IL1RAPL1: variants seen among roughly 807,000 people sequenced by gnomAD.
The protein encoded by IL1RAPL1 is interleukin-1 receptor accessory protein-like 1.
A neutral mutation model predicts 48.4 loss-of-function variants in IL1RAPL1; 3 were observed. The observed-to-expected ratio is 0.06, with a 90% CI of 0.03 to 0.16. IL1RAPL1 has a LOEUF of 0.16. Ranked by LOEUF, IL1RAPL1 falls within the 10% of genes least tolerant of loss-of-function variation. IL1RAPL1 has a pLI of 1.00. For missense variants in IL1RAPL1, 349 were observed against 530.6 expected, an observed-to-expected ratio of 0.66 and a Z score of 3.36; for synonymous variants, 185 against 187.7, an observed-to-expected ratio of 0.99 and a Z score of 0.12.
At chrX:29,168,550 C>A (rs1929831857) in intron 2 of IL1RAPL1, among the ~76,000 whole-genome samples, 1 of 31,704 alleles carries the variant, frequency 3.2e-5, no homozygotes, top group Non-Finnish European at 7.8e-5. Context: ...GAATAGTATT[C>A]AATTGTATAT....
chrX:29,918,144 A>AAAAAAAAAAAAAATATATATAT (rs1555935868), intron 7 of IL1RAPL1, among the ~76,000 whole-genome samples: 3 of 23,761 alleles, frequency 1.3e-4, no homozygotes, highest in East Asian at 1.6e-3. Flanking sequence ...AAAAAAAAAA[A>AAAAAAAAAAAAAATATATATAT]ATATATATAT....
intron 2 of IL1RAPL1, among the ~76,000 whole-genome samples, chrX:28,832,013 G>A (rs191793707): frequency 1.8e-3 from 198 of 111,015 alleles, no homozygotes; most frequent in Admixed American, 5.6e-3. Context: ...ATTGGGTATA[G>A]TATGATATTT....
At chrX:29,806,529 AG>A (rs1206859154) in intron 6 of IL1RAPL1, among the ~76,000 whole-genome samples, 1 of 111,051 alleles carries the variant, frequency 9.0e-6, no homozygotes, top group Non-Finnish European at 1.9e-5. Flanking sequence ...AAAGTAATAT[AG>A]GAGGACTTGC....
chrX:28,944,563 T>C (rs895534364), intron 2 of IL1RAPL1, among the ~76,000 whole-genome samples: 14 of 111,278 alleles, frequency 1.3e-4, no homozygotes, highest in African/African-American at 3.9e-4. Flanking sequence ...TTTAAAATTA[T>C]TGATAATTTC....
chrX:29,255,151 G>A (rs1164275106), intron 2 of IL1RAPL1, among the ~76,000 whole-genome samples: 1 of 108,971 alleles, frequency 9.2e-6, no homozygotes, highest in African/African-American at 3.4e-5. Context: ...GCGTGTGTGT[G>A]TGTGTGTGTG....
chrX:29,837,073 C>T (rs1305985997), intron 6 of IL1RAPL1, among the ~76,000 whole-genome samples: 2 of 107,403 alleles, frequency 1.9e-5, no homozygotes, highest in African/African-American at 6.8e-5. Context: ...TCCTGGCTAA[C>T]ACGGTGAAAC....
chrX:29,473,961 T>C (rs1163899598), intron 5 of IL1RAPL1, among the ~76,000 whole-genome samples: 2 of 111,169 alleles, frequency 1.8e-5, no homozygotes, highest in East Asian at 5.7e-4. Context: ...AAACAGCTAC[T>C]TTTTTCCCCT....
intron 1 of IL1RAPL1, among the ~76,000 whole-genome samples, chrX:28,682,567 C>G (rs755318724): frequency 9.0e-6 from 1 of 111,404 alleles, no homozygotes; most frequent in East Asian, 2.8e-4. Flanking sequence ...AGCTACCATG[C>G]CCGGCCCCTG....
At chrX:29,614,181 A>G (rs138471338) in intron 5 of IL1RAPL1, among the ~76,000 whole-genome samples, 1 of 111,653 alleles carries the variant, frequency 9.0e-6, no homozygotes, top group Non-Finnish European at 1.9e-5. Flanking sequence ...GAGTAATTAC[A>G]TCCGCTGACA....
chrX:28,859,742 A>C (rs1333599164), intron 2 of IL1RAPL1, among the ~76,000 whole-genome samples: 1 of 108,198 alleles, frequency 9.2e-6, no homozygotes, highest in Admixed American at 1.0e-4. Context: ...ACAATAATAT[A>C]TAATTGTGTA....
At chrX:29,236,545 C>CTTTTTTTTTTTTTTT (rs754996544) in intron 2 of IL1RAPL1, among the ~76,000 whole-genome samples, 21 of 63,181 alleles carry the variant, frequency 3.3e-4, no homozygotes, top group East Asian at 5.2e-4. Context: ...CTTTTTTTTT[C>CTTTTTTTTTTTTTTT]TTTTTTTTTT....
chrX:29,359,810 C>T (rs1484316752), intron 3 of IL1RAPL1, among the ~76,000 whole-genome samples: 1 of 111,479 alleles, frequency 9.0e-6, no homozygotes, highest in Non-Finnish European at 1.9e-5. Flanking sequence ...CTTTTCCCCC[C>T]ACACGGATTC....
rs1255557587 is a variant in IL1RAPL1 at position 29,909,749 on chromosome X, A to ACTTT, written c.779-7715_779-7714insCTTT. Among the ~76,000 whole-genome samples the ACTTT allele has an allele frequency of 9.3e-3, 1,040 of 111,890 alleles. 8 individuals carry two copies. Among genetic ancestry groups the ACTTT allele is most frequent in the African/African-American group, 0.032 (980 of 30,806 alleles). On this transcript the variant is annotated intron_variant, in intron 6 of 10. Transcript: ENST00000378993. ...GTTTAAAGTTTCAGTGCTATGATTA[A>ACTTT]AAAGTCAAAACATAACAGATGCTGG...
chrX:28,746,599 TTC>T (rs1382022351), intron 1 of IL1RAPL1, among the ~76,000 whole-genome samples: 3 of 112,331 alleles, frequency 2.7e-5, no homozygotes, highest in African/African-American at 9.7e-5. Flanking sequence ...TGAATTTTTG[TTC>T]TGTTAGCAAA....
At chrX:29,584,710 T>C (rs899847375) in intron 5 of IL1RAPL1, among the ~76,000 whole-genome samples, 1 of 111,706 alleles carries the variant, frequency 9.0e-6, no homozygotes, top group African/African-American at 3.3e-5. Context: ...TGCACCACCA[T>C]GCTTGGCTGG....
intron 2 of IL1RAPL1, among the ~76,000 whole-genome samples, chrX:29,181,905 C>A (rs1930151039): frequency 1.8e-5 from 2 of 111,648 alleles, no homozygotes; most frequent in South Asian, 3.7e-4. Flanking sequence ...GAAATATTGT[C>A]ATTTATAGTA....
chrX:29,786,659 T>TAA (rs1929507578), intron 6 of IL1RAPL1, among the ~76,000 whole-genome samples: 1 of 111,679 alleles, frequency 9.0e-6, no homozygotes, highest in Non-Finnish European at 1.9e-5. Context: ...AATAAGCTCG[T>TAA]AAAGTCTAAT....
chrX:29,874,810 G>A (rs1441330881), intron 6 of IL1RAPL1, among the ~76,000 whole-genome samples: 1 of 112,248 alleles, frequency 8.9e-6, no homozygotes, highest in Admixed American at 9.5e-5. Context: ...CAGTAAAAGA[G>A]ATACTGAGGT....
chrX:28,913,844 T>G, intron 2 of IL1RAPL1, among the ~76,000 whole-genome samples: 1 of 111,935 alleles, frequency 8.9e-6, no homozygotes, highest in South Asian at 3.7e-4. Flanking sequence ...GCTATATGAC[T>G]TCCGCTTTCT....
Sources: gnomAD v4.1 joint callset for allele counts (sites outside exome capture counted in the v4.1 genomes callset) on GRCh38, gnomAD v4.1.1 for gene constraint, MANE v1.5 for transcripts, NCBI Gene and HGNC (gene_info 2026-07-23, HGNC 2026-07-21) for gene names.